The following SHANK2 variants were observed in gnomAD, a reference collection of about 807,000 sequenced individuals.
SHANK2 encodes SH3 and multiple ankyrin repeat domains 2.
In SHANK2, 43 loss-of-function variants were observed where a neutral mutation model predicts 133.7. The ratio of observed to expected loss-of-function variants is 0.32; its 90% CI spans 0.25 to 0.41. SHANK2 has a LOEUF of 0.41. SHANK2 is among the 10% of genes least tolerant of loss of function. SHANK2 has a pLI of 1.00. For synonymous variants in SHANK2, 1,017 were observed against 952.8 expected (o/e 1.07, Z -1.24); for missense variants, 1,994 against 2,235.8 (o/e 0.89, Z 2.18).
chr11:71,210,250 A>ATTTATTTATTTATT (rs1555118715), intron 2 of SHANK2, among the ~76,000 whole-genome samples: 1 of 85,512 alleles, frequency 1.2e-5, no homozygotes, highest in East Asian at 3.8e-4. Context: ...ATATATATAT[A>ATTTATTTATTTATT]TATTTATTTA....
At chr11:70,839,427 A>AC (rs534167880) in intron 11 of SHANK2, among the ~76,000 whole-genome samples, 1 of 151,904 alleles carries the variant, frequency 6.6e-6, no homozygotes, top group African/African-American at 2.4e-5. Flanking sequence ...GGCAACACAC[A>AC]CCCCCCTGGT....
chr11:70,815,633 T>C (rs797035034), intron 12 of SHANK2, among the ~76,000 whole-genome samples: 1 of 152,116 alleles, frequency 6.6e-6, no homozygotes, highest in East Asian at 1.9e-4. Flanking sequence ...CGAACCAGGG[T>C]TGGCACCTCC....
chr11:70,686,229 TCCACCCAC>T (rs1194509014), intron 15 of SHANK2, among the ~76,000 whole-genome samples: 3 of 82,920 alleles, frequency 3.6e-5, no homozygotes, highest in African/African-American at 1.0e-4. Context: ...CATCCATCCA[TCCACCCAC>T]CCACCCACCC....
Position 70,502,204 on chromosome 11 carries a change from A to G in SHANK2, c.2278+2T>C. The G allele has an allele frequency of 6.4e-7, 1 of 1,555,434 alleles. No homozygotes were observed. Among genetic ancestry groups the G allele is most frequent in the Non-Finnish European group, 8.7e-7 (1 of 1,148,778 alleles). On this transcript the variant is annotated splice_donor_variant, in intron 19 of 25. Coordinates refer to ENST00000601538, the MANE Select transcript of SHANK2 (RefSeq NM_012309.5). LOFTEE classifies it high-confidence loss of function. ...CAGGGCTGGGCCGGGTGTGCGACTT[A>G]CCGAGCTCCTCCAGCTCCGAGGTCA...
chr11:71,169,686 G>A (rs1200049932), intron 2 of SHANK2, among the ~76,000 whole-genome samples: 2 of 151,066 alleles, frequency 1.3e-5, no homozygotes, highest in South Asian at 4.2e-4. Context: ...AGGGTGCAGA[G>A]GTTGCAGTGA....
chr11:71,113,864 A>T (rs1951932067), intron 4 of SHANK2, among the ~76,000 whole-genome samples: 1 of 152,218 alleles, frequency 6.6e-6, no homozygotes, highest in Non-Finnish European at 1.5e-5. Flanking sequence ...CGCTGAAGCC[A>T]CTGTTTTTCC....
At chr11:71,172,837 C>T (rs781950137) in intron 2 of SHANK2, among the ~76,000 whole-genome samples, 5 of 152,232 alleles carry the variant, frequency 3.3e-5, no homozygotes, top group East Asian at 1.9e-4. Context: ...TAGCCCAGCA[C>T]GCCAGGGCAG....
intron 15 of SHANK2, among the ~76,000 whole-genome samples, chr11:70,670,712 T>C (rs1183936961): frequency 6.6e-6 from 1 of 152,224 alleles, no homozygotes; most frequent in Non-Finnish European, 1.5e-5. Flanking sequence ...GGGGAAATGA[T>C]GCCCAACGCC....
chr11:70,549,692 C>T (rs1211039631), intron 17 of SHANK2, among the ~76,000 whole-genome samples: 2 of 152,244 alleles, frequency 1.3e-5, no homozygotes, highest in African/African-American at 2.4e-5. Context: ...TGGGATGGGA[C>T]GAATGTATTA....
intron 11 of SHANK2, among the ~76,000 whole-genome samples, chr11:70,850,688 G>A (rs1431645521): frequency 1.3e-5 from 2 of 152,220 alleles, no homozygotes; most frequent in Non-Finnish European, 2.9e-5. Flanking sequence ...CCTGGGGAGA[G>A]TAACTTATGA....
chr11:71,085,665 TA>T lies in SHANK2; in HGVS notation c.912+6756del, dbSNP rs1951379020. ...ATATATTATGTTATATATTATATTA[TA>T]TATGTTATATATATAATATAATATA... On this transcript the variant is annotated intron_variant, in intron 8 of 25. Coordinates refer to ENST00000601538, the MANE Select transcript of SHANK2 (RefSeq NM_012309.5). Among the ~76,000 whole-genome samples the T allele has an allele frequency of 1.1e-3, 21 of 18,664 alleles. 1 individual carries two copies. Among genetic ancestry groups the T allele is most frequent in the African/African-American group, 2.1e-3 (20 of 9,424 alleles). 12.2% of individuals were successfully genotyped at this position (18,664 alleles called of 152,430 possible).
chr11:70,612,579 A>G (rs1202624846), intron 17 of SHANK2, among the ~76,000 whole-genome samples: 1 of 152,200 alleles, frequency 6.6e-6, no homozygotes, highest in Admixed American at 6.5e-5. Flanking sequence ...TGTACAGGCA[A>G]GGTTAAACGA....
chr11:71,194,635 CAT>C (rs1157133011), intron 2 of SHANK2, among the ~76,000 whole-genome samples: 14 of 152,204 alleles, frequency 9.2e-5, no homozygotes, highest in African/African-American at 2.4e-4. Flanking sequence ...GAAATGGCCA[CAT>C]GTCTTCAGAG....
intron 15 of SHANK2, among the ~76,000 whole-genome samples, chr11:70,691,097 G>A (rs1388277751): frequency 6.6e-6 from 1 of 152,140 alleles, no homozygotes; most frequent in Non-Finnish European, 1.5e-5. Flanking sequence ...CATGCATGCA[G>A]TACTTGGATG....
intron 11 of SHANK2, among the ~76,000 whole-genome samples, chr11:70,843,800 C>T (rs577154873): frequency 2.6e-5 from 4 of 152,220 alleles, no homozygotes; most frequent in South Asian, 2.1e-4. Flanking sequence ...AGAGGACACA[C>T]GAGTCAACTT....
intron 11 of SHANK2, among the ~76,000 whole-genome samples, chr11:70,876,237 C>CACATATAT (rs4025747): frequency 5.4e-5 from 8 of 147,536 alleles, no homozygotes; most frequent in Admixed American, 1.3e-4. Context: ...CACACACACA[C>CACATATAT]ATATAGACAC....
At chr11:70,653,835 T>C (rs1197398800) in intron 17 of SHANK2, among the ~76,000 whole-genome samples, 2 of 152,200 alleles carry the variant, frequency 1.3e-5, no homozygotes, top group Non-Finnish European at 2.9e-5. Flanking sequence ...GGTTTCACCA[T>C]GTTGGCCATG....
chr11:70,635,298 C>T (rs922839036), intron 17 of SHANK2: 6 of 152,294 alleles, frequency 3.9e-5, no homozygotes, highest in Admixed American at 1.3e-4. Context: ...AAGAGGTGGA[C>T]GCAACCTAAG....
intron 2 of SHANK2, among the ~76,000 whole-genome samples, chr11:71,152,608 C>G (rs1438844164): frequency 6.6e-6 from 1 of 152,202 alleles, no homozygotes; most frequent in Non-Finnish European, 1.5e-5. Flanking sequence ...GGTACCGGCT[C>G]TGGGGGTGAT....
Sources: gnomAD v4.1 joint callset for allele counts (sites outside exome capture counted in the v4.1 genomes callset) on GRCh38, gnomAD v4.1.1 for gene constraint, MANE v1.5 for transcripts, NCBI Gene and HGNC (gene_info 2026-07-23, HGNC 2026-07-21) for gene names.